SNX13: variants seen among roughly 807,000 people sequenced by gnomAD.
The protein encoded by SNX13 is sorting nexin-13.
A neutral mutation model predicts 133.6 loss-of-function variants in SNX13; 45 were observed. The observed-to-expected ratio is 0.34, with a 90% CI of 0.27 to 0.43. The LOEUF (loss-of-function observed/expected upper bound fraction) is 0.43. SNX13 is among the 20% of genes least tolerant of loss of function. SNX13 has a pLI of 1.00. For synonymous variants in SNX13, 414 were observed against 373.9 expected, an observed-to-expected ratio of 1.11 and a Z score of -1.24; for missense variants, 1,032 against 1,145.1, an observed-to-expected ratio of 0.90 and a Z score of 1.43.
At chr7:17,851,063 C>A in intron 9 of SNX13, 99 bp from the exon 10 acceptor site, 1 of 1,238,202 alleles carries the variant, frequency 8.1e-7, no homozygotes, top group Non-Finnish European at 1.1e-6. Context: ...CAATTTGCTA[C>A]ATACTCAGTG....
Position 17,812,544 on chromosome 7 carries a change from G to C in SNX13, c.2064+2290C>G, listed in dbSNP as rs1284033653. Among the ~76,000 whole-genome samples the C allele has an allele frequency of 2.6e-5, 4 of 152,310 alleles. No individual in the cohort carries two copies. In the East Asian group the frequency reaches 7.7e-4, roughly 29 times the overall value. On this transcript the variant is annotated intron_variant, in intron 20 of 25. Coordinates refer to ENST00000428135, the MANE Select transcript of SNX13 (RefSeq NM_015132.5). ...ATACAGGAATGCTTTTACACTGTTG[G>C]TGGGAGTATAAATTACTTCAACCAC...
chr7:17,930,711 G>A (rs984466267), intron 1 of SNX13, among the ~76,000 whole-genome samples: 1 of 152,014 alleles, frequency 6.6e-6, no homozygotes, highest in Middle Eastern at 3.4e-3. Context: ...TCAACCCCTG[G>A]GCCACAGAGC....
At chr7:17,938,333 AGTT>A (rs1802348206) in intron 1 of SNX13, among the ~76,000 whole-genome samples, 2 of 152,000 alleles carry the variant, frequency 1.3e-5, no homozygotes. Flanking sequence ...CTCTACTGAG[AGTT>A]AGGAGATGAG....
Position 17,893,970 on chromosome 7 carries a change from GAAA to G in SNX13, c.126-539_126-537del, listed in dbSNP as rs11298863. Among the ~76,000 whole-genome samples, 693 of 126,972 alleles carry G rather than the reference GAAA, an allele frequency of 5.5e-3. 4 individuals are homozygous for G. Among genetic ancestry groups the G allele is most frequent in the African/African-American group, 0.019 (665 of 34,312 alleles). 83.3% of individuals were successfully genotyped at this position (126,972 alleles called of 152,430 possible). A position where few individuals can be genotyped will look rare whatever the true frequency, so the allele number is the denominator to read the frequency against. ...CTGGGTGACAGATCAAGACTGTCTC[GAAA>G]AAAAAAAAAAAACTTAAGTGACATT... On this transcript the variant is annotated intron_variant, in intron 2 of 25. Transcript: ENST00000428135.
chr7:17,919,398 T>C (rs1421636924), intron 1 of SNX13, among the ~76,000 whole-genome samples: 1 of 152,164 alleles, frequency 6.6e-6, no homozygotes, highest in African/African-American at 2.4e-5. Context: ...AGAAAGCAGC[T>C]TCGAATATAT....
chr7:17,922,584 A>G (rs913365261), intron 1 of SNX13, among the ~76,000 whole-genome samples: 4 of 152,200 alleles, frequency 2.6e-5, no homozygotes, highest in Non-Finnish European at 4.4e-5. Context: ...TCTTCAGTGA[A>G]CATCTTCACA....
intron 24 of SNX13, among the ~76,000 whole-genome samples, chr7:17,798,132 T>C (rs1344985471): frequency 2.6e-5 from 4 of 151,866 alleles, no homozygotes; most frequent in Non-Finnish European, 4.4e-5. Context: ...CTCTACTATC[T>C]GTACTTTCCT....
chr7:17,904,889 C>A (rs1247476937), intron 1 of SNX13, among the ~76,000 whole-genome samples: 1 of 152,144 alleles, frequency 6.6e-6, no homozygotes, highest in African/African-American at 2.4e-5. Context: ...TGATGTGGAA[C>A]CCTGTCTCAT....
chr7:17,890,319 A>G, intron 5 of SNX13, 44 bp downstream of exon 5: 1 of 1,587,804 alleles, frequency 6.3e-7, no homozygotes, highest in Non-Finnish European at 8.6e-7. Flanking sequence ...GGTACAAACC[A>G]TACATCTAAA....
At chr7:17,852,138 C>T (rs1210626245) in intron 9 of SNX13, among the ~76,000 whole-genome samples, 2 of 152,204 alleles carry the variant, frequency 1.3e-5, no homozygotes, top group Non-Finnish European at 2.9e-5. Context: ...CTTTGGTAGG[C>T]CAAGGCGGGC....
intron 8 of SNX13, among the ~76,000 whole-genome samples, chr7:17,871,769 C>T (rs1794144829): frequency 1.3e-5 from 2 of 152,098 alleles, no homozygotes; most frequent in Non-Finnish European, 2.9e-5. Flanking sequence ...GTCACTTTTC[C>T]CCTACTGCAA....
intron 17 of SNX13, among the ~76,000 whole-genome samples, chr7:17,822,373 T>C (rs1410591709): frequency 6.6e-6 from 1 of 152,124 alleles, no homozygotes; most frequent in Non-Finnish European, 1.5e-5. Context: ...CTTTCTGCAC[T>C]CTACAATTAA....
At chr7:17,869,931 G>GA (rs1562811716) in intron 8 of SNX13, among the ~76,000 whole-genome samples, 4 of 151,680 alleles carry the variant, frequency 2.6e-5, no homozygotes, top group Admixed American at 2.0e-4. Flanking sequence ...TTCAAAAGGA[G>GA]AAAAAAACAC....
At chr7:17,827,564 T>C (rs1788048796) in intron 16 of SNX13, among the ~76,000 whole-genome samples, 1 of 151,982 alleles carries the variant, frequency 6.6e-6, no homozygotes, top group African/African-American at 2.4e-5. Context: ...GATAATTCTA[T>C]ACAGATAATC....
intron 10 of SNX13, 130 bp from the exon 11 acceptor site, chr7:17,850,565 C>T (rs552282446): frequency 1.5e-6 from 1 of 653,182 alleles, no homozygotes; most frequent in Non-Finnish European, 2.4e-6. Context: ...AAGAAACCAT[C>T]TGAAATTATA....
intron 8 of SNX13, among the ~76,000 whole-genome samples, chr7:17,872,346 G>A (rs1249295159): frequency 2.0e-5 from 3 of 152,144 alleles, no homozygotes; most frequent in African/African-American, 4.8e-5. Flanking sequence ...CAAGACATGC[G>A]AAATAATGCT....
chr7:17,876,733 C>T (rs1179233730), intron 5 of SNX13, among the ~76,000 whole-genome samples: 1 of 151,974 alleles, frequency 6.6e-6, no homozygotes, highest in Non-Finnish European at 1.5e-5. Flanking sequence ...ATCTCAAAAG[C>T]AACAGACCTC....
intron 1 of SNX13, among the ~76,000 whole-genome samples, chr7:17,908,265 C>T (rs1798601563): frequency 6.6e-6 from 1 of 152,136 alleles, no homozygotes; most frequent in South Asian, 2.1e-4. Flanking sequence ...TTCCTCACAG[C>T]CAAAGCTTGA....
chr7:17,841,553 T>TACACACACACAC (rs71553704), intron 12 of SNX13, among the ~76,000 whole-genome samples: 12,269 of 142,910 alleles, frequency 0.086, 625 homozygotes, highest in South Asian at 0.13. Flanking sequence ...CAGTTATTCA[T>TACACACACACAC]ACACACACAC....
Sources: gnomAD v4.1 joint callset for allele counts (sites outside exome capture counted in the v4.1 genomes callset) on GRCh38, gnomAD v4.1.1 for gene constraint, MANE v1.5 for transcripts, NCBI Gene and HGNC (gene_info 2026-07-23, HGNC 2026-07-21) for gene names.